ATL2: variants seen among roughly 807,000 people sequenced by gnomAD.
ATL2 encodes the protein atlastin GTPase 2, also known as atlastin-2.
A neutral mutation model predicts 73.9 loss-of-function variants in ATL2; 31 were observed. The ratio of observed to expected loss-of-function variants is 0.42; its 90% CI spans 0.32 to 0.57. The LOEUF (loss-of-function observed/expected upper bound fraction) is 0.57, where lower values mean the gene tolerates loss of function less well. Among genes scored for constraint, ATL2 ranks in the 20% least tolerant of loss-of-function variants. ATL2 has a pLI of 0.14. For missense variants in ATL2, 738 were observed against 702.6 expected, an observed-to-expected ratio of 1.05 and a Z score of -0.57; for synonymous variants, 291 against 237.5, an observed-to-expected ratio of 1.23 and a Z score of -2.07.
At chr2:38,376,340 G>C in intron 1 of ATL2, 2 of 1,013,418 alleles carry the variant, frequency 2.0e-6, no homozygotes, top group South Asian at 2.8e-5. Flanking sequence ...TACACGTACA[G>C]TAGGAGCTCA....
chr2:38,376,869 G>C (rs959544511), intron 1 of ATL2, among the ~76,000 whole-genome samples: 11 of 150,596 alleles, frequency 7.3e-5, no homozygotes, highest in African/African-American at 2.7e-4. Flanking sequence ...CGGCGGGCTG[G>C]CGGGCAGGGG....
chr2:38,343,186 TTC>T, intron 2 of ATL2, 80 bp downstream of exon 2: 1 of 748,102 alleles, frequency 1.3e-6, no homozygotes, highest in Non-Finnish European at 2.0e-6. Flanking sequence ...AAAGATATAG[TTC>T]TGGTTTTTGT....
At chr2:38,349,235 G>A (rs1670204002) in intron 1 of ATL2, among the ~76,000 whole-genome samples, 1 of 152,094 alleles carries the variant, frequency 6.6e-6, no homozygotes, top group Admixed American at 6.5e-5. Flanking sequence ...TATGTTCGTT[G>A]TGGCACTATT....
At position 38,313,257 on chromosome 2, in the gene ATL2, A is replaced by G. The variant is rs755335532; in HGVS notation, c.712-14T>C. 1 of 1,561,422 alleles carries G rather than the reference A, an allele frequency of 6.4e-7. No homozygotes were observed. Among genetic ancestry groups the G allele is most frequent in the South Asian group, 1.2e-5 (1 of 84,700 alleles). On this transcript the variant is annotated splice_polypyrimidine_tract_variant and intron_variant, in intron 6 of 12. Coordinates refer to ENST00000378954, the MANE Select transcript of ATL2 (RefSeq NM_001135673.4). ...AAACATTAATGTCTATACACAGAAA[A>G]AATAAAAATTGTTTATTTTACAATA...
chr2:38,334,876 T>TA (rs1669225906), intron 2 of ATL2, among the ~76,000 whole-genome samples: 1 of 39,196 alleles, frequency 2.6e-5, no homozygotes, highest in African/African-American at 4.7e-5. Flanking sequence ...ATATAATATA[T>TA]ATTATATAAT....
chr2:38,301,128 A>G (rs1474453504), intron 9 of ATL2, among the ~76,000 whole-genome samples: 1 of 152,002 alleles, frequency 6.6e-6, no homozygotes, highest in Non-Finnish European at 1.5e-5. Flanking sequence ...GCGCCACCAC[A>G]TCCAGCTAAT....
intron 1 of ATL2, among the ~76,000 whole-genome samples, chr2:38,357,219 T>G (rs1670718017): frequency 6.6e-6 from 1 of 151,958 alleles, no homozygotes; most frequent in African/African-American, 2.4e-5. Context: ...TCCCAGCTAC[T>G]TGAGAGGCTG....
chr2:38,300,582 C>T (rs966383569), intron 9 of ATL2: 5 of 354,938 alleles, frequency 1.4e-5, no homozygotes, highest in Non-Finnish European at 2.5e-5. Context: ...ATATAAAATG[C>T]CATCTTCTTT....
rs534719614 is a variant in ATL2, at chr2:38,363,374, G to T, written c.118+13769C>A. Among the ~76,000 whole-genome samples, 5 of 149,996 alleles carry T rather than the reference G, an allele frequency of 3.3e-5. No homozygotes were observed. The East Asian group carries it at 8.3e-4, about 25-fold the overall frequency. On this transcript the variant is annotated intron_variant, in intron 1 of 12. Coordinates refer to ENST00000378954, the MANE Select transcript of ATL2 (RefSeq NM_001135673.4). ...ACAAGTTGTTTATTAAAAAGGTGGGGGGGGGGGTTATTTATCATCTTTATA... is the reference window on the plus strand; with the variant it reads ...ACAAGTTGTTTATTAAAAAGGTGGGTGGGGGGGTTATTTATCATCTTTATA...
intron 12 of ATL2, chr2:38,296,458 TAGAGAA>T (rs1382260638): frequency 8.8e-6 from 14 of 1,582,742 alleles, no homozygotes; most frequent in Non-Finnish European, 1.2e-5. Context: ...ACACTTCAGA[TAGAGAA>T]AAAGGTTAAA....
chr2:38,366,208 A>G (rs981881358), intron 1 of ATL2, among the ~76,000 whole-genome samples: 1 of 152,150 alleles, frequency 6.6e-6, no homozygotes, highest in Non-Finnish European at 1.5e-5. Flanking sequence ...TGTAGTAAAT[A>G]AACACACACG....
At chr2:38,338,665 GT>G (rs1669516816) in intron 2 of ATL2, among the ~76,000 whole-genome samples, 1 of 152,066 alleles carries the variant, frequency 6.6e-6, no homozygotes, top group Non-Finnish European at 1.5e-5. Context: ...GTTCTTTGAG[GT>G]TGGGGTGGAA....
chr2:38,366,712 T>C (rs1462595969), intron 1 of ATL2, among the ~76,000 whole-genome samples: 1 of 152,220 alleles, frequency 6.6e-6, no homozygotes, highest in Non-Finnish European at 1.5e-5. Context: ...GTCTCTATGA[T>C]CTACGTGAAA....
chr2:38,299,754 T>C (rs1335704241), intron 10 of ATL2, among the ~76,000 whole-genome samples: 2 of 152,194 alleles, frequency 1.3e-5, no homozygotes, highest in Non-Finnish European at 2.9e-5. Flanking sequence ...CTGTTTAATC[T>C]ACTATAAAAT....
At chr2:38,373,886 T>C (rs1317664235) in intron 1 of ATL2, among the ~76,000 whole-genome samples, 1 of 152,232 alleles carries the variant, frequency 6.6e-6, no homozygotes, top group Non-Finnish European at 1.5e-5. Flanking sequence ...TGGTACTTTC[T>C]TCCTGCTATC....
At chr2:38,376,657 C>T (rs1006077469) in intron 1 of ATL2, 2 of 152,622 alleles carry the variant, frequency 1.3e-5, no homozygotes, top group African/African-American at 2.4e-5. Context: ...CCTCCTCCTC[C>T]GCGGGGCCCA....
At chr2:38,374,753 A>G (rs577332695) in intron 1 of ATL2, among the ~76,000 whole-genome samples, 13 of 152,394 alleles carry the variant, frequency 8.5e-5, no homozygotes, top group African/African-American at 3.1e-4. Context: ...CTTAGCAGCT[A>G]GCTGCCTAAT....
chr2:38,309,399 C>T lies in ATL2; in HGVS notation c.1051G>A (p.Asp351Asn), dbSNP rs1263604745. The part of the protein sequence containing the change: ...EISGSKVTCR[D>N]LVEYFKAYIK... ...CCTACCTTAAAATATTCTACAAGAT[C>T]TCTACAAGTGACTTTAGATCCACTT... The change falls in exon 9 of 13, where the codon GAT becomes AAT. Residue 351 changes from aspartate (D) to asparagine (N), a missense_variant. Physicochemically the swap from Asp to Asn is conservative, Grantham distance 23. Coordinates refer to ENST00000378954, the MANE Select transcript of ATL2 (RefSeq NM_001135673.4). 1.2e-6 allele frequency: 2 copies of T among 1,609,906 alleles called. No individual in the cohort carries two copies. The highest frequency in any genetic ancestry group is 1.3e-5 in the African/African-American group (1 of 74,778).
At chr2:38,364,325 G>A (rs1265592089) in intron 1 of ATL2, among the ~76,000 whole-genome samples, 1 of 152,176 alleles carries the variant, frequency 6.6e-6, no homozygotes, top group African/African-American at 2.4e-5. Context: ...CATCAACCCT[G>A]AGGAATACCA....
Sources: allele counts gnomAD v4.1 joint callset (sites outside exome capture counted in the v4.1 genomes callset), GRCh38; gene constraint gnomAD v4.1.1; transcripts MANE v1.5; gene names NCBI Gene and HGNC (gene_info 2026-07-23, HGNC 2026-07-21).